Variants in EML5 observed in about 807,000 individuals in gnomAD.
EML5 encodes echinoderm microtubule-associated protein-like 5.
In EML5, 120 loss-of-function variants were observed where a neutral mutation model predicts 250.0. The observed-to-expected ratio is 0.48, with a 90% confidence interval of 0.41 to 0.56. The LOEUF (loss-of-function observed/expected upper bound fraction) is 0.56, where lower values mean the gene tolerates loss of function less well. Among genes scored for constraint, EML5 ranks in the 20% least tolerant of loss-of-function variants. The pLI, the probability that EML5 is intolerant of heterozygous loss-of-function variation, is 0.00. For synonymous variants in EML5, 771 were observed against 806.5 expected (o/e 0.96, Z 0.75); for missense variants, 2,006 against 2,437.6 (o/e 0.82, Z 3.73).
At chr14:88,722,002 CAT>C (rs1315955342) in intron 8 of EML5, among the ~76,000 whole-genome samples, 4 of 152,064 alleles carry the variant, frequency 2.6e-5, no homozygotes, top group Admixed American at 1.3e-4. Context: ...GGCCAACAAA[CAT>C]ATGAAAAAAA....
At chr14:88,655,878 A>C (rs2091849016) in intron 27 of EML5, among the ~76,000 whole-genome samples, 1 of 152,250 alleles carries the variant, frequency 6.6e-6, no homozygotes, top group African/African-American at 2.4e-5. Flanking sequence ...GCTCATCATC[A>C]CTGGTCATTA....
At position 88,695,476 on chromosome 14, in the gene EML5, G is replaced by A. The variant is rs760896386; in HGVS notation, c.2345-22C>T. 2.5e-6 allele frequency: 4 copies of A among 1,587,952 alleles called. No homozygotes were observed. The South Asian group carries it at 4.5e-5, about 18-fold the overall frequency. On this transcript the variant is annotated intron_variant, in intron 15 of 43. Transcript: ENST00000554922. Reference sequence around the variant, plus strand: ...TCCGCTGTGGAAAATTAATGAGAGAGATAAACTGACTATTAACATTCAGAA... The same window carrying A: ...TCCGCTGTGGAAAATTAATGAGAGAAATAAACTGACTATTAACATTCAGAA...
intron 1 of EML5, among the ~76,000 whole-genome samples, chr14:88,784,791 C>G (rs1343864952): frequency 6.6e-6 from 1 of 152,020 alleles, no homozygotes; most frequent in African/African-American, 2.4e-5. Context: ...GGAGGTTCCT[C>G]AAAAAACTAA....
chr14:88,631,067 G>A (rs1031003729), intron 33 of EML5, among the ~76,000 whole-genome samples: 10 of 152,190 alleles, frequency 6.6e-5, no homozygotes, highest in African/African-American at 1.9e-4. Context: ...TACTACCAGA[G>A]AGTGAGTTTT....
At chr14:88,727,700 T>C (rs1367436444) in intron 7 of EML5, among the ~76,000 whole-genome samples, 1 of 152,130 alleles carries the variant, frequency 6.6e-6, no homozygotes, top group Non-Finnish European at 1.5e-5. Flanking sequence ...ACCCAGCCAA[T>C]ACAATGCATT....
At chr14:88,660,366 T>C (rs2140931631) in intron 25 of EML5, among the ~76,000 whole-genome samples, 1 of 152,076 alleles carries the variant, frequency 6.6e-6, no homozygotes, top group East Asian at 1.9e-4. Context: ...AAGCCTAATA[T>C]TTTACAGTAG....
chr14:88,707,731 T>A (rs944471284), intron 10 of EML5, among the ~76,000 whole-genome samples: 1 of 152,130 alleles, frequency 6.6e-6, no homozygotes, highest in African/African-American at 2.4e-5. Flanking sequence ...ATACTGTTAT[T>A]TTAGGAATAA....
chr14:88,615,691 G>T lies in EML5; in HGVS notation c.*127C>A. 4 of 810,574 alleles carry T rather than the reference G, an allele frequency of 4.9e-6. No homozygotes were observed. The highest frequency in any genetic ancestry group is 3.5e-5 in the South Asian group (2 of 56,348). The allele number at this position is 810,574 out of a possible 1,614,324, so 50.2% of individuals were successfully genotyped here. A position where few individuals can be genotyped will look rare whatever the true frequency, so the allele number is the denominator to read the frequency against. ...CAGATCAGTCTTTCACTATTTTGAT[G>T]ATTCTGGGCATTTCTCCCTGTTACA... is the stretch of plus-strand genomic sequence containing the variant. On this transcript the variant is annotated 3_prime_UTR_variant, in exon 44 of 44. Transcript: ENST00000554922.
At position 88,740,478 on chromosome 14, in the gene EML5, C is replaced by G; in HGVS notation, c.620G>C (p.Arg207Thr). The change falls in exon 5 of 44, where the codon AGG becomes ACG. Residue 207 changes from arginine (R) to threonine (T), a missense_variant. Physicochemically the swap from Arg to Thr is moderately conservative, Grantham distance 71. Coordinates refer to ENST00000554922, the MANE Select transcript of EML5 (RefSeq NM_183387.3). ...TGCACCAGAATATGTTAATTCATCC[C>G]TTGCACAGGCTAGGCACAGTATTGT... ...LQTILCLACA[R>T]DELTYSGALN... The G allele has an allele frequency of 6.2e-7, 1 of 1,613,852 alleles. No individual in the cohort carries two copies. The highest frequency in any genetic ancestry group is 8.5e-7 in the Non-Finnish European group (1 of 1,179,826).
At chr14:88,733,922 T>C (rs1005015221) in intron 7 of EML5, among the ~76,000 whole-genome samples, 1 of 151,898 alleles carries the variant, frequency 6.6e-6, no homozygotes, top group East Asian at 1.9e-4. Context: ...CTAGAAGTCA[T>C]GAAAGAAAAT....
chr14:88,638,665 G>T, intron 32 of EML5, 144 bp downstream of exon 32: 1 of 673,916 alleles, frequency 1.5e-6, no homozygotes, highest in Non-Finnish European at 2.4e-6. Context: ...CAAATAATAT[G>T]GTATAATTGG....
At chr14:88,778,317 G>T (rs1380382108) in intron 1 of EML5, among the ~76,000 whole-genome samples, 1 of 152,184 alleles carries the variant, frequency 6.6e-6, no homozygotes, top group Non-Finnish European at 1.5e-5. Context: ...GTTTAATATT[G>T]TATGGATTCC....
At chr14:88,690,183 T>G (rs921127390) in intron 17 of EML5, among the ~76,000 whole-genome samples, 3 of 151,814 alleles carry the variant, frequency 2.0e-5, no homozygotes, top group Non-Finnish European at 2.9e-5. Flanking sequence ...TAATGGGAAA[T>G]GGGGTTGGAG....
chr14:88,694,448 C>T, intron 16 of EML5, 41 bp from the exon 17 acceptor site: 1 of 1,348,136 alleles, frequency 7.4e-7, no homozygotes, highest in Non-Finnish European at 1.0e-6. Context: ...GAAGATTCAT[C>T]ATTCCTGTAT....
rs371187064 is a variant in EML5, at chr14:88,755,970, T to G, written c.198-1299A>C. Among the ~76,000 whole-genome samples, 5 of 152,214 alleles carry G rather than the reference T, an allele frequency of 3.3e-5. No individual in the cohort carries two copies. The East Asian group carries it at 5.8e-4, about 18-fold the overall frequency. On this transcript the variant is annotated intron_variant, in intron 1 of 43. Coordinates refer to ENST00000554922, the MANE Select transcript of EML5 (RefSeq NM_183387.3). ...GTTCAAGGCTGCAATGAGCTATGAC[T>G]GCACCACTGCATTCCAGCCTGGGCT...
intron 3 of EML5, among the ~76,000 whole-genome samples, chr14:88,745,900 C>CA (rs1335569479): frequency 2.0e-5 from 3 of 152,032 alleles, no homozygotes; most frequent in African/African-American, 7.2e-5. Context: ...AACAAACCTG[C>CA]ACGTTCTGCA....
intron 29 of EML5, 110 bp downstream of exon 29, chr14:88,646,837 C>T: frequency 8.8e-7 from 1 of 1,137,054 alleles, no homozygotes; most frequent in Non-Finnish European, 1.2e-6. Context: ...ATGTGCAAAA[C>T]TGTGAAGAGA....
chr14:88,700,820 A>C (rs1400571680), intron 14 of EML5, among the ~76,000 whole-genome samples: 2 of 152,174 alleles, frequency 1.3e-5, no homozygotes, highest in African/African-American at 4.8e-5. Flanking sequence ...TCCAAGACCC[A>C]GTTTGTGTTA....
At chr14:88,646,848 G>T in intron 29 of EML5, 99 bp downstream of exon 29, 1 of 1,257,012 alleles carries the variant, frequency 8.0e-7, no homozygotes, top group Non-Finnish European at 1.1e-6. Flanking sequence ...TGTGAAGAGA[G>T]GTAAAGAACA....
Sources: gnomAD v4.1 joint callset for allele counts (sites outside exome capture counted in the v4.1 genomes callset) on GRCh38, gnomAD v4.1.1 for gene constraint, MANE v1.5 for transcripts, NCBI Gene and HGNC (gene_info 2026-07-23, HGNC 2026-07-21) for gene names.